Variants in SLC5A10 observed in about 807,000 individuals in gnomAD.
SLC5A10 encodes the protein solute carrier family 5 member 10.
Under a neutral mutation model 68.9 loss-of-function variants are expected in SLC5A10, and 55 were observed. The observed-to-expected ratio is 0.80, with a 90% CI of 0.64 to 1.00. The LOEUF is 1.00. Ranked by LOEUF, SLC5A10 falls within the 50% of genes least tolerant of loss-of-function variation. The pLI is 0.00. For synonymous variants in SLC5A10, 344 were observed against 344.8 expected, an observed-to-expected ratio of 1.00 and a Z score of 0.02; for missense variants, 732 against 819.3, an observed-to-expected ratio of 0.89 and a Z score of 1.30.
intron 8 of SLC5A10, among the ~76,000 whole-genome samples, chr17:18,975,507 T>C (rs1038123831): frequency 7.8e-4 from 119 of 151,792 alleles, no homozygotes; most frequent in African/African-American, 2.8e-3. Context: ...CTGACCAACA[T>C]GGTAAAACCC....
chr17:18,987,973 T>A (rs1341294887), intron 9 of SLC5A10, among the ~76,000 whole-genome samples: 1 of 152,242 alleles, frequency 6.6e-6, no homozygotes, highest in African/African-American at 2.4e-5. Context: ...TGAAATAACA[T>A]GATGCAGCAC....
At chr17:18,970,710 C>T (rs1231025782) in intron 7 of SLC5A10, 5 of 418,466 alleles carry the variant, frequency 1.2e-5, no homozygotes, top group African/African-American at 8.0e-5. Flanking sequence ...TGCCCAAGGC[C>T]GATGAGTGTC....
chr17:18,973,235 G>A (rs1396282637), intron 8 of SLC5A10, among the ~76,000 whole-genome samples: 9 of 152,240 alleles, frequency 5.9e-5, no homozygotes, highest in African/African-American at 1.9e-4. Context: ...GGCATGGCAC[G>A]GTCTTCTCTG....
Position 18,971,726 on chromosome 17 carries a change from C to A in SLC5A10, c.846+508C>A. 6.3e-7 allele frequency: 1 copy of A among 1,577,658 alleles called. No individual in the cohort carries two copies. ...ATCCCTAGTCCCTGAGGCAGGGACC[C>A]TGTGATGATGAAACTGCTGGCCCTG... On this transcript the variant is annotated intron_variant, in intron 8 of 14. Coordinates refer to ENST00000395645, the MANE Select transcript of SLC5A10 (RefSeq NM_001042450.4). The surrounding 1 kb of genome is among the most constrained non-coding windows in gnomAD (Gnocchi z 5.5).
Position 18,977,026 on chromosome 17 carries a change from G to A in SLC5A10, c.982+37G>A, listed in dbSNP as rs781271717. 18 of 1,605,732 alleles carry A rather than the reference G, an allele frequency of 1.1e-5. No individual in the cohort carries two copies. The East Asian group carries it at 4.0e-4, about 36-fold the overall frequency. ...TCCGGGCACTGAACCCAGGCTGCAG[G>A]GCACCCAGGGTTCTGGGACCTTGTC... On this transcript the variant is annotated intron_variant, in intron 9 of 14. Transcript: ENST00000395645.
In SLC5A10 at chr17:19,003,345, G is replaced by A. The variant is rs920671566; in HGVS notation, c.983-10065G>A. Among the ~76,000 whole-genome samples the A allele has an allele frequency of 5.9e-5, 9 of 152,024 alleles. No individual in the cohort carries two copies. Among genetic ancestry groups the A allele is most frequent in the Admixed American group, 5.2e-4 (8 of 15,272 alleles). ...GGGAACCCTACCCTGCAAAGAAACT[G>A]CGGATCCCCACGAAGGTGGGGAGGA... On this transcript the variant is annotated intron_variant, in intron 9 of 14. Transcript: ENST00000395645. The surrounding 1 kb of genome is among the most constrained non-coding windows in gnomAD (Gnocchi z 4.5).
chr17:18,967,660 G>C (rs936728362), intron 5 of SLC5A10, among the ~76,000 whole-genome samples: 2 of 152,216 alleles, frequency 1.3e-5, no homozygotes, highest in African/African-American at 4.8e-5. Flanking sequence ...CCTGTGGTGG[G>C]CCTTCTAGAA....
chr17:18,963,538 GCTGCGAGAGGA>G (rs1303726983), intron 5 of SLC5A10, among the ~76,000 whole-genome samples: 1 of 152,272 alleles, frequency 6.6e-6, no homozygotes, highest in Non-Finnish European at 1.5e-5. Context: ...GCTGGGCTTG[GCTGCGAGAGGA>G]CTGGGGCTAC....
In SLC5A10 at chr17:18,971,304, G is replaced by A. The variant is rs1597833953; in HGVS notation, c.846+86G>A. The A allele has an allele frequency of 1.5e-5, 24 of 1,608,212 alleles. No individual in the cohort carries two copies. The East Asian group carries it at 3.6e-4, about 24-fold the overall frequency. ...CCCAGGCGGCCTGTCTGCCCTCCGCGTCATGAGTCTGGGCTGGGGCCTCAG... is the reference window on the plus strand; with the variant it reads ...CCCAGGCGGCCTGTCTGCCCTCCGCATCATGAGTCTGGGCTGGGGCCTCAG... On this transcript the variant is annotated intron_variant, in intron 8 of 14. Coordinates refer to ENST00000395645, the MANE Select transcript of SLC5A10 (RefSeq NM_001042450.4). This position sits in a 1 kb window ranked among gnomAD's most constrained non-coding sequence, Gnocchi z 5.5.
chr17:19,013,252 G>T, intron 9 of SLC5A10, 158 bp from the exon 10 acceptor site: 1 of 1,168,700 alleles, frequency 8.6e-7, no homozygotes. Flanking sequence ...CCCTCCCTGT[G>T]GCTCAGATTG....
chr17:18,980,634 G>C (rs2043107321), intron 9 of SLC5A10, among the ~76,000 whole-genome samples: 1 of 152,214 alleles, frequency 6.6e-6, no homozygotes, highest in African/African-American at 2.4e-5. Context: ...GGGAGGAGCA[G>C]ATGGTAAAGG....
rs757922760 is a variant in SLC5A10 at position 18,971,631 on chromosome 17, C to A, written c.846+413C>A. The A allele has an allele frequency of 7.4e-6, 12 of 1,613,420 alleles. No homozygotes were observed. Among genetic ancestry groups the A allele is most frequent in the Middle Eastern group, 1.6e-4 (1 of 6,062 alleles). On this transcript the variant is annotated intron_variant, in intron 8 of 14. Transcript: ENST00000395645. The surrounding 1 kb of genome is among the most constrained non-coding windows in gnomAD (Gnocchi z 5.5). ...TGGGGGCCAGCCATGGCTGGGCCAG[C>A]GTTTCTGGTAGAGCTCTGGACGCTG... is the stretch of plus-strand genomic sequence containing the variant.
chr17:19,003,847 C>G lies in SLC5A10; in HGVS notation c.983-9563C>G, dbSNP rs772153153. 3.1e-6 allele frequency: 5 copies of G among 1,612,944 alleles called. No individual in the cohort carries two copies. The African/African-American group carries it at 5.3e-5, about 17-fold the overall frequency. On this transcript the variant is annotated intron_variant, in intron 9 of 14. Coordinates refer to ENST00000395645, the MANE Select transcript of SLC5A10 (RefSeq NM_001042450.4). This position sits in a 1 kb window ranked among gnomAD's most constrained non-coding sequence, Gnocchi z 4.5. ...ACACCTCGATGGTCTCCAGGATGCG[C>G]TTGAGCTCCAGCTCCGAGAGGAAGT...
In SLC5A10 at chr17:19,003,958, G is replaced by T. The variant is rs747059088; in HGVS notation, c.983-9452G>T. 4 of 1,612,892 alleles carry T rather than the reference G, an allele frequency of 2.5e-6. No homozygotes were observed. Among genetic ancestry groups the T allele is most frequent in the Non-Finnish European group, 3.4e-6 (4 of 1,179,916 alleles). The stretch of plus-strand genomic sequence containing the variant: ...CCTCCAGCGCCAGCCGCTGCTCCTC[G>T]CTGTAGAAGAACTCAGGCTTGGACT... On this transcript the variant is annotated intron_variant, in intron 9 of 14. Transcript: ENST00000395645. This position sits in a 1 kb window ranked among gnomAD's most constrained non-coding sequence, Gnocchi z 4.5.
In SLC5A10 at chr17:18,970,492, C is replaced by G. The variant is rs115987627; in HGVS notation, c.641-521C>G. 8.4e-3 allele frequency: 1,401 copies of G among 167,664 alleles called. 20 individuals carry two copies. Among genetic ancestry groups the G allele is most frequent in the African/African-American group, 0.032 (1,332 of 41,750 alleles). 10.4% of individuals were successfully genotyped at this position (167,664 alleles called of 1,614,324 possible). On this transcript the variant is annotated intron_variant, in intron 7 of 14. Transcript: ENST00000395645. ...ATGGTCTATATGGTCTTGGTGGAGGCCCCATCCCTCTCTGGACCTGTCTCC... is the reference window on the plus strand; with the variant it reads ...ATGGTCTATATGGTCTTGGTGGAGGGCCCATCCCTCTCTGGACCTGTCTCC...
At chr17:19,006,370 T>C (rs1032220010) in intron 9 of SLC5A10, among the ~76,000 whole-genome samples, 2 of 151,928 alleles carry the variant, frequency 1.3e-5, no homozygotes, top group Middle Eastern at 3.4e-3. Flanking sequence ...AGAGACACCA[T>C]GCCCAGCTAA....
chr17:18,981,568 C>T (rs556850753), intron 9 of SLC5A10, among the ~76,000 whole-genome samples: 141 of 152,284 alleles, frequency 9.3e-4, no homozygotes, highest in Non-Finnish European at 1.7e-3. Flanking sequence ...CCATGCCATC[C>T]AGCCTCCTGC....
rs940685173 is a variant in SLC5A10, at chr17:18,996,209, CTT to C, written c.983-17197_983-17196del. 2.2e-4 allele frequency among the ~76,000 whole-genome samples: 33 copies of C among 151,606 alleles called. No individual in the cohort carries two copies. The highest frequency in any genetic ancestry group is 6.8e-4 in the African/African-American group (28 of 41,034). ...TTCAAAACAAAAGGCAAACTAAAGA[CTT>C]TTTCAAATATAAAAAAGCTGAGAGA... On this transcript the variant is annotated intron_variant, in intron 9 of 14. Coordinates refer to ENST00000395645, the MANE Select transcript of SLC5A10 (RefSeq NM_001042450.4). This position sits in a 1 kb window ranked among gnomAD's most constrained non-coding sequence, Gnocchi z 4.4.
chr17:18,976,262 A>C (rs1402535455), intron 8 of SLC5A10: 1 of 152,292 alleles, frequency 6.6e-6, no homozygotes, highest in Non-Finnish European at 1.5e-5. Flanking sequence ...ATGGGTCCAA[A>C]TTACCGCTCC....
Sources: allele counts gnomAD v4.1 joint callset (sites outside exome capture counted in the v4.1 genomes callset), GRCh38; gene constraint gnomAD v4.1.1; non-coding constraint Gnocchi (gnomAD v3.1); transcripts MANE v1.5; gene names NCBI Gene and HGNC (gene_info 2026-07-23, HGNC 2026-07-21).